SMIM36: variants seen among roughly 807,000 people sequenced by gnomAD.
SMIM36 encodes small integral membrane protein 36.
intron 3 of SMIM36, chr17:55,468,222 G>T (rs1445430985): frequency 6.6e-6 from 1 of 152,336 alleles, no homozygotes; most frequent in Non-Finnish European, 1.5e-5. Flanking sequence ...CGGGAGACCG[G>T]TCCCCTGTCT....
At chr17:55,466,580 T>C (rs1909243250) in intron 4 of SMIM36, among the ~76,000 whole-genome samples, 1 of 152,242 alleles carries the variant, frequency 6.6e-6, no homozygotes, top group Admixed American at 6.5e-5. Flanking sequence ...GCACAGAACC[T>C]GTAGCTTGAG....
intron 1 of SMIM36, among the ~76,000 whole-genome samples, chr17:55,493,800 C>T (rs1356712308): frequency 2.0e-5 from 2 of 102,056 alleles, no homozygotes; most frequent in African/African-American, 4.4e-5. Context: ...GCAGAGCTCT[C>T]TCTCTCTCAA....
chr17:55,480,241 T>TAA (rs112973181), intron 1 of SMIM36, among the ~76,000 whole-genome samples: 6 of 128,832 alleles, frequency 4.7e-5, no homozygotes, highest in African/African-American at 1.4e-4. Context: ...TGGAGCGTTC[T>TAA]AAAAAAAAAA....
intron 1 of SMIM36, among the ~76,000 whole-genome samples, chr17:55,486,081 G>A (rs1322113220): frequency 6.7e-6 from 1 of 149,048 alleles, no homozygotes. Flanking sequence ...TGTTGCGCAG[G>A]CTGGAGTGCA....
chr17:55,500,624 A>G (rs1909892792), intron 1 of SMIM36, among the ~76,000 whole-genome samples: 1 of 150,640 alleles, frequency 6.6e-6, no homozygotes, highest in African/African-American at 2.4e-5. Flanking sequence ...TTTTTCCGAG[A>G]GAGAAATATA....
At chr17:55,467,472 C>T (rs972306762) in intron 3 of SMIM36, 144 bp from the exon 4 acceptor site, 5 of 152,190 alleles carry the variant, frequency 3.3e-5, no homozygotes, top group African/African-American at 1.2e-4. Flanking sequence ...TCTCGGCTCC[C>T]TGCCAGCTCC....
At chr17:55,501,610 A>G (rs978335310) in intron 1 of SMIM36, among the ~76,000 whole-genome samples, 2 of 137,466 alleles carry the variant, frequency 1.5e-5, no homozygotes, top group African/African-American at 2.7e-5. Flanking sequence ...ATCAGTGTAT[A>G]TATATTAATC....
chr17:55,467,891 A>AT (rs1909270235), intron 3 of SMIM36, among the ~76,000 whole-genome samples: 1 of 152,058 alleles, frequency 6.6e-6, no homozygotes, highest in Non-Finnish European at 1.5e-5. Context: ...CACTGTTGTG[A>AT]TTTGTTCCCG....
intron 3 of SMIM36, among the ~76,000 whole-genome samples, chr17:55,469,217 C>T (rs987623752): frequency 1.3e-5 from 2 of 152,150 alleles, no homozygotes; most frequent in African/African-American, 4.8e-5. Context: ...CCCCTCCTTA[C>T]ACCCAGTTTG....
intron 1 of SMIM36, among the ~76,000 whole-genome samples, chr17:55,484,835 C>T (rs1211602257): frequency 6.6e-6 from 1 of 152,174 alleles, no homozygotes; most frequent in Non-Finnish European, 1.5e-5. Context: ...TAAAAGATGA[C>T]TGACCTGGCT....
chr17:55,500,530 GAATGAATCACAAATCA>G (rs977603515), intron 1 of SMIM36, among the ~76,000 whole-genome samples: 1 of 151,494 alleles, frequency 6.6e-6, no homozygotes, highest in African/African-American at 2.4e-5. Context: ...AGAACAAATT[GAATGAATCACAAATCA>G]AATGAACCAG....
chr17:55,497,753 G>C (rs1026869144), intron 1 of SMIM36, among the ~76,000 whole-genome samples: 3 of 152,166 alleles, frequency 2.0e-5, no homozygotes, highest in Admixed American at 2.0e-4. Flanking sequence ...TACTCAGCTT[G>C]TGCAGCATCG....
At chr17:55,525,809 C>A in the SMIM36 span, among the ~76,000 whole-genome samples, 19 of 152,092 alleles carry the variant, frequency 1.2e-4, no homozygotes, top group Admixed American at 1.2e-3. Flanking sequence ...AGGCAGGCGC[C>A]ACCATGCCTG....
chr17:55,510,779 C>T (rs1910166793), intron 1 of SMIM36, 100 bp downstream of exon 1: 3 of 237,126 alleles, frequency 1.3e-5, no homozygotes, highest in African/African-American at 4.5e-5. Context: ...GCAAGGACAG[C>T]AACATCAGAA....
the SMIM36 span, among the ~76,000 whole-genome samples, chr17:55,523,769 T>C: frequency 1.3e-5 from 2 of 152,172 alleles, no homozygotes; most frequent in African/African-American, 2.4e-5. Flanking sequence ...TATTTTGAGT[T>C]GGGCTTTCAA....
At chr17:55,520,249 C>A in the SMIM36 span, among the ~76,000 whole-genome samples, 1 of 151,984 alleles carries the variant, frequency 6.6e-6, no homozygotes, top group Non-Finnish European at 1.5e-5. Flanking sequence ...TTGAGCCCAC[C>A]CAGAAAATCT....
At chr17:55,529,563 C>T in the SMIM36 span, among the ~76,000 whole-genome samples, 6 of 151,328 alleles carry the variant, frequency 4.0e-5, no homozygotes, top group African/African-American at 7.3e-5. Flanking sequence ...GTCAGGAGAT[C>T]GAGACCATCC....
At chr17:55,454,794 C>A (rs2143226585) in intron 4 of SMIM36, among the ~76,000 whole-genome samples, 1 of 152,268 alleles carries the variant, frequency 6.6e-6, no homozygotes, top group South Asian at 2.1e-4. Context: ...GTAAAATAAT[C>A]AAAACAAATT....
At chr17:55,463,399 A>G (rs1192142536) in intron 4 of SMIM36, among the ~76,000 whole-genome samples, 2 of 152,090 alleles carry the variant, frequency 1.3e-5, no homozygotes, top group Admixed American at 6.6e-5. Context: ...AAAAAAAGAA[A>G]TAAAAAAAAT....
Sources: allele counts gnomAD v4.1 joint callset (sites outside exome capture counted in the v4.1 genomes callset), GRCh38; gene constraint gnomAD v4.1.1; transcripts MANE v1.5; gene names NCBI Gene and HGNC (gene_info 2026-07-23, HGNC 2026-07-21).